The following ADGRB3 variants were observed in gnomAD, a reference collection of about 807,000 sequenced individuals.
The protein encoded by ADGRB3 is adhesion G protein-coupled receptor B3.
ADGRB3 carries 37 observed loss-of-function variants against 193.4 expected under a neutral mutation model. The observed-to-expected ratio is 0.19, with a 90% confidence interval of 0.15 to 0.25. The LOEUF (loss-of-function observed/expected upper bound fraction) is 0.25. Ranked by LOEUF, ADGRB3 falls within the 10% of genes least tolerant of loss-of-function variation. The pLI is 1.00. For synonymous variants in ADGRB3, 690 were observed against 644.2 expected, an observed-to-expected ratio of 1.07 and a Z score of -1.08; for missense variants, 1,637 against 1,852.9, an observed-to-expected ratio of 0.88 and a Z score of 2.14.
At chr6:68,835,294 T>G (rs970161614) in intron 3 of ADGRB3, among the ~76,000 whole-genome samples, 1 of 152,166 alleles carries the variant, frequency 6.6e-6, no homozygotes, top group Non-Finnish European at 1.5e-5. Flanking sequence ...CAACACTGTT[T>G]TCCTTATTTG....
At chr6:69,172,122 G>A (rs1265031109) in intron 17 of ADGRB3, among the ~76,000 whole-genome samples, 2 of 152,054 alleles carry the variant, frequency 1.3e-5, no homozygotes, top group African/African-American at 4.8e-5. Context: ...TAGATCATGG[G>A]GGCTATCATA....
intron 3 of ADGRB3, among the ~76,000 whole-genome samples, chr6:68,654,059 T>C (rs992426272): frequency 1.3e-5 from 2 of 152,082 alleles, no homozygotes; most frequent in Non-Finnish European, 2.9e-5. Flanking sequence ...AACAAATATT[T>C]CTACAATAGG....
intron 17 of ADGRB3, among the ~76,000 whole-genome samples, chr6:69,214,471 T>C (rs1237429384): frequency 1.3e-5 from 2 of 152,060 alleles, no homozygotes; most frequent in Admixed American, 1.3e-4. Context: ...ACAGGTACTA[T>C]ATTAAAGAGC....
chr6:69,251,596 T>A (rs1766622332), intron 20 of ADGRB3, among the ~76,000 whole-genome samples: 1 of 152,188 alleles, frequency 6.6e-6, no homozygotes, highest in Non-Finnish European at 1.5e-5. Context: ...CAAGTAGGAT[T>A]GCACCTAGGA....
chr6:69,252,502 A>C (rs1313523578), intron 20 of ADGRB3, among the ~76,000 whole-genome samples: 3 of 152,146 alleles, frequency 2.0e-5, no homozygotes, highest in Admixed American at 6.6e-5. Context: ...ATGGTTTTCC[A>C]AAATGGTCAT....
rs571434582 is a variant in ADGRB3 at position 68,980,268 on chromosome 6, A to G, written c.1734+4928A>G. ...TAACATTTTTTACAGATGTTAAAGA[A>G]CTTGAATCCCATTTAAGGACTTTAT... On this transcript the variant is annotated intron_variant, in intron 10 of 31. Coordinates refer to ENST00000370598, the MANE Select transcript of ADGRB3 (RefSeq NM_001704.3). Among the ~76,000 whole-genome samples the G allele has an allele frequency of 2.0e-5, 3 of 151,636 alleles. No homozygotes were observed. In the East Asian group the frequency reaches 5.8e-4, roughly 29 times the overall value.
intron 17 of ADGRB3, among the ~76,000 whole-genome samples, chr6:69,174,719 C>G (rs1234983769): frequency 6.6e-6 from 1 of 152,166 alleles, no homozygotes; most frequent in African/African-American, 2.4e-5. Flanking sequence ...ATTTACATTC[C>G]CACCACAGTG....
At chr6:69,200,002 GT>G (rs1303951728) in intron 17 of ADGRB3, among the ~76,000 whole-genome samples, 7 of 151,920 alleles carry the variant, frequency 4.6e-5, no homozygotes, top group South Asian at 4.1e-4. Context: ...AAAGCACATC[GT>G]TCTGGCATTT....
intron 24 of ADGRB3, among the ~76,000 whole-genome samples, chr6:69,335,150 A>C (rs1768819755): frequency 2.0e-5 from 3 of 152,106 alleles, no homozygotes; most frequent in Admixed American, 6.5e-5. Context: ...TTTAATAAAA[A>C]ATTTAAAAAA....
chr6:69,012,511 C>T (rs1223556089), intron 11 of ADGRB3, among the ~76,000 whole-genome samples: 1 of 151,906 alleles, frequency 6.6e-6, no homozygotes, highest in African/African-American at 2.4e-5. Flanking sequence ...GGACTAAGCC[C>T]TTCAAATGTT....
intron 3 of ADGRB3, among the ~76,000 whole-genome samples, chr6:68,747,599 G>C (rs1315653300): frequency 1.3e-5 from 2 of 152,128 alleles, no homozygotes; most frequent in African/African-American, 4.8e-5. Flanking sequence ...ACTTTAAGTG[G>C]AATCATTTCA....
intron 3 of ADGRB3, among the ~76,000 whole-genome samples, chr6:68,652,147 G>T (rs1768380887): frequency 1.3e-5 from 2 of 152,008 alleles, no homozygotes; most frequent in African/African-American, 2.4e-5. Context: ...TGCTTCTCAG[G>T]TATCTTCAAT....
chr6:68,646,865 T>C (rs1228317908), intron 3 of ADGRB3, among the ~76,000 whole-genome samples: 1 of 152,194 alleles, frequency 6.6e-6, no homozygotes, highest in East Asian at 1.9e-4. Context: ...TCTTCTCTGG[T>C]ATTTTTATTA....
intron 17 of ADGRB3, among the ~76,000 whole-genome samples, chr6:69,079,044 T>A (rs1772314302): frequency 6.6e-6 from 1 of 152,080 alleles, no homozygotes; most frequent in Non-Finnish European, 1.5e-5. Flanking sequence ...GAGCTAACAT[T>A]GGAAATTTGA....
intron 17 of ADGRB3, among the ~76,000 whole-genome samples, chr6:69,084,014 A>G (rs1772476392): frequency 6.6e-6 from 1 of 151,982 alleles, no homozygotes; most frequent in Non-Finnish European, 1.5e-5. Context: ...ACCTCAAGTG[A>G]TTCACCCACC....
At chr6:69,338,741 G>C (rs1230423843) in intron 24 of ADGRB3, among the ~76,000 whole-genome samples, 175 bp from the exon 25 acceptor site, 4 of 152,288 alleles carry the variant, frequency 2.6e-5, no homozygotes, top group African/African-American at 7.2e-5. Context: ...AAAGGTAAAT[G>C]TTACAAAGAT....
chr6:69,109,187 G>A (rs1167090223), intron 17 of ADGRB3, among the ~76,000 whole-genome samples: 1 of 147,444 alleles, frequency 6.8e-6, no homozygotes, highest in East Asian at 1.9e-4. Context: ...AGAATTTGAT[G>A]ACATTTTAGA....
chr6:69,016,229 G>A (rs1389144543), intron 12 of ADGRB3, among the ~76,000 whole-genome samples: 1 of 151,842 alleles, frequency 6.6e-6, no homozygotes, highest in African/African-American at 2.4e-5. Context: ...CTGCTCTATA[G>A]CATTTGACTA....
At chr6:69,240,023 A>G (rs1487058532) in intron 20 of ADGRB3, among the ~76,000 whole-genome samples, 1 of 152,070 alleles carries the variant, frequency 6.6e-6, no homozygotes, top group Non-Finnish European at 1.5e-5. Context: ...TTTCAAATAC[A>G]AAAGCGAATA....
Sources: allele counts gnomAD v4.1 joint callset (sites outside exome capture counted in the v4.1 genomes callset), GRCh38; gene constraint gnomAD v4.1.1; transcripts MANE v1.5; gene names NCBI Gene and HGNC (gene_info 2026-07-23, HGNC 2026-07-21).